The following EXOC6B variants were observed in gnomAD, a reference collection of about 807,000 sequenced individuals.
EXOC6B encodes exocyst complex component 6B.
A neutral mutation model predicts 113.5 loss-of-function variants in EXOC6B; 54 were observed. The observed-to-expected ratio is 0.48, with a 90% CI of 0.38 to 0.60. The LOEUF (loss-of-function observed/expected upper bound fraction) is 0.60. Ranked by LOEUF, EXOC6B falls within the 20% of genes least tolerant of loss-of-function variation. The pLI, the probability that EXOC6B is intolerant of heterozygous loss-of-function variation, is 0.00. For synonymous variants in EXOC6B, 357 were observed against 339.0 expected, an observed-to-expected ratio of 1.05 and a Z score of -0.58; for missense variants, 797 against 977.5, an observed-to-expected ratio of 0.82 and a Z score of 2.46.
At chr2:72,673,110 T>C (rs996606507) in intron 6 of EXOC6B, among the ~76,000 whole-genome samples, 2 of 152,016 alleles carry the variant, frequency 1.3e-5, no homozygotes, top group Non-Finnish European at 2.9e-5. Flanking sequence ...AAAATAGCAA[T>C]AAAACAATAA....
chr2:72,420,892 G>T (rs1231888305), intron 18 of EXOC6B, among the ~76,000 whole-genome samples: 1 of 152,150 alleles, frequency 6.6e-6, no homozygotes, highest in Non-Finnish European at 1.5e-5. Flanking sequence ...ATCCTCTCCA[G>T]CATCTGTTAT....
chr2:72,567,257 T>C (rs1053656150), intron 7 of EXOC6B, among the ~76,000 whole-genome samples: 19 of 152,074 alleles, frequency 1.2e-4, no homozygotes, highest in African/African-American at 3.6e-4. Context: ...TACTCTGAAC[T>C]ATACAGATTT....
chr2:72,356,708 C>T (rs935449291), intron 19 of EXOC6B, among the ~76,000 whole-genome samples: 1 of 152,094 alleles, frequency 6.6e-6, no homozygotes, highest in African/African-American at 2.4e-5. Context: ...CCCCTGATAG[C>T]AAACACCCAA....
chr2:72,311,901 G>T (rs1687209619), intron 20 of EXOC6B, among the ~76,000 whole-genome samples: 1 of 152,214 alleles, frequency 6.6e-6, no homozygotes, highest in South Asian at 2.1e-4. Context: ...AAGGGACAAT[G>T]ATCTTGAAGA....
Position 72,250,788 on chromosome 2 carries a change from C to T in EXOC6B, c.2197-66601G>A, listed in dbSNP as rs540538330. 9.9e-5 allele frequency among the ~76,000 whole-genome samples: 15 copies of T among 151,276 alleles called. No individual in the cohort carries two copies. The South Asian group carries it at 3.1e-3, about 32-fold the overall frequency. On this transcript the variant is annotated intron_variant, in intron 20 of 21. Transcript: ENST00000272427. ...AAAAAACCTCAATTTCAATTTGTTT[C>T]CTGAAGATAAAAGAAGCACAGGTCT...
intron 20 of EXOC6B, among the ~76,000 whole-genome samples, chr2:72,253,937 G>T (rs555481037): frequency 1.3e-5 from 2 of 152,206 alleles, no homozygotes; most frequent in South Asian, 4.1e-4. Flanking sequence ...GAGGCGGGTG[G>T]ATCACAAGGT....
chr2:72,551,178 T>C (rs535374764), intron 8 of EXOC6B, among the ~76,000 whole-genome samples: 1 of 152,028 alleles, frequency 6.6e-6, no homozygotes, highest in South Asian at 2.1e-4. Flanking sequence ...ACCACTGGAG[T>C]TCACTTGAGC....
intron 19 of EXOC6B, among the ~76,000 whole-genome samples, chr2:72,349,587 T>G (rs749144034): frequency 1.3e-5 from 2 of 152,128 alleles, no homozygotes; most frequent in South Asian, 2.1e-4. Flanking sequence ...AGTTTCCTGA[T>G]TGGTGAAAAC....
At chr2:72,736,583 T>G (rs1416831227) in intron 2 of EXOC6B, among the ~76,000 whole-genome samples, 1 of 152,118 alleles carries the variant, frequency 6.6e-6, no homozygotes, top group African/African-American at 2.4e-5. Context: ...TGGGGCATCC[T>G]CAGCAAGTTG....
At chr2:72,423,166 G>A (rs1695002354) in intron 18 of EXOC6B, among the ~76,000 whole-genome samples, 1 of 151,714 alleles carries the variant, frequency 6.6e-6, no homozygotes, top group Non-Finnish European at 1.5e-5. Flanking sequence ...AACAACTCCA[G>A]ACGCACTGCC....
intron 11 of EXOC6B, among the ~76,000 whole-genome samples, chr2:72,506,651 C>T (rs1028553082): frequency 1.3e-5 from 2 of 152,046 alleles, no homozygotes; most frequent in African/African-American, 4.8e-5. Flanking sequence ...TATTAATAAC[C>T]TAGTCTTCTA....
chr2:72,580,135 A>ATTTTTTTTTT (rs1205164863), intron 6 of EXOC6B, among the ~76,000 whole-genome samples: 1 of 93,764 alleles, frequency 1.1e-5, no homozygotes, highest in Non-Finnish European at 2.1e-5. Context: ...AGAAATAAGA[A>ATTTTTTTTTT]TTTTTTTTTT....
chr2:72,690,903 G>A (rs140103967), intron 6 of EXOC6B, among the ~76,000 whole-genome samples: 2 of 152,250 alleles, frequency 1.3e-5, no homozygotes, highest in South Asian at 4.1e-4. Flanking sequence ...TAGGGTCTTT[G>A]CAGATGTAAT....
chr2:72,492,504 T>A (rs1699797524), intron 15 of EXOC6B, 75 bp from the exon 16 acceptor site: 4 of 796,974 alleles, frequency 5.0e-6, no homozygotes, highest in South Asian at 3.1e-5. Context: ...GCCAGTGGTA[T>A]TCGTGGTAAT....
chr2:72,338,107 G>GC (rs1174587704), intron 19 of EXOC6B, among the ~76,000 whole-genome samples: 3 of 152,070 alleles, frequency 2.0e-5, no homozygotes, highest in Admixed American at 1.3e-4. Context: ...CAGAATTTGA[G>GC]CCCCAGCTTT....
intron 7 of EXOC6B, among the ~76,000 whole-genome samples, chr2:72,572,009 T>C (rs1319333908): frequency 6.6e-6 from 1 of 152,214 alleles, no homozygotes; most frequent in Non-Finnish European, 1.5e-5. Context: ...AGAAAGTACC[T>C]AAACTTGTTA....
At chr2:72,377,745 T>G (rs1206298507) in intron 19 of EXOC6B, among the ~76,000 whole-genome samples, 1 of 152,116 alleles carries the variant, frequency 6.6e-6, no homozygotes, top group African/African-American at 2.4e-5. Flanking sequence ...AAAATTTCAG[T>G]TAGGAGAAAT....
chr2:72,547,219 A>T (rs190244238), intron 8 of EXOC6B, among the ~76,000 whole-genome samples: 2 of 152,312 alleles, frequency 1.3e-5, no homozygotes, highest in East Asian at 3.9e-4. Flanking sequence ...ATCTTAGGGT[A>T]TTTTATAGTC....
At chr2:72,217,399 G>A (rs1369013435) in intron 20 of EXOC6B, among the ~76,000 whole-genome samples, 1 of 152,162 alleles carries the variant, frequency 6.6e-6, no homozygotes, top group South Asian at 2.1e-4. Flanking sequence ...CAGTGGCACA[G>A]AATCAGGGTA....
Sources: gnomAD v4.1 joint callset for allele counts (sites outside exome capture counted in the v4.1 genomes callset) on GRCh38, gnomAD v4.1.1 for gene constraint, MANE v1.5 for transcripts, NCBI Gene and HGNC (gene_info 2026-07-23, HGNC 2026-07-21) for gene names.